NQO2: variants seen among roughly 807,000 people sequenced by gnomAD.
NQO2 encodes ribosyldihydronicotinamide dehydrogenase [quinone].
Under a neutral mutation model 22.0 loss-of-function variants are expected in NQO2, and 18 were observed. The ratio of observed to expected loss-of-function variants is 0.82; its 90% CI spans 0.56 to 1.21. The LOEUF (loss-of-function observed/expected upper bound fraction) is 1.21. NQO2 is among the 50% of genes most tolerant of loss of function. The pLI is 0.00. For synonymous variants in NQO2, 106 were observed against 110.8 expected (o/e 0.96, Z 0.28); for missense variants, 267 against 286.9 (o/e 0.93, Z 0.50).
chr6:3,014,232 C>G (rs1757248487), intron 4 of NQO2, among the ~76,000 whole-genome samples: 1 of 152,186 alleles, frequency 6.6e-6, no homozygotes, highest in Non-Finnish European at 1.5e-5. Context: ...CCAGGCTTGC[C>G]TCTGCACACC....
Position 3,019,600 on chromosome 6 carries a change from C to A in NQO2, c.641C>A (p.Thr214Asn), listed in dbSNP as rs1757472615. The change falls in exon 7 of 7, where the codon ACC becomes AAC. Residue 214 changes from threonine (T) to asparagine (N), a missense_variant. By Grantham distance (65) the Thr-to-Asn change is moderately conservative (BLOSUM62 0). Transcript: ENST00000380455. ...GCTGCGTGGTCCCAGAGGCTGCAGA[C>A]CATCTGGAAGGAAGAGCCCATCCCC... ...MVAAWSQRLQTIWKEEPIPCT... is the reference protein window; with the variant it reads ...MVAAWSQRLQNIWKEEPIPCT... 1 of 1,614,152 alleles carries A rather than the reference C, an allele frequency of 6.2e-7. No homozygotes were observed. The highest frequency in any genetic ancestry group is 8.5e-7 in the Non-Finnish European group (1 of 1,180,018).
intron 1 of NQO2, among the ~76,000 whole-genome samples, chr6:3,001,522 A>G (rs559305676): frequency 1.8e-4 from 27 of 152,218 alleles, no homozygotes; most frequent in Non-Finnish European, 3.4e-4. Context: ...TGCTGTTTAT[A>G]GTTTTGGGAA....
chr6:3,012,011 A>G (rs1401544685), intron 3 of NQO2, among the ~76,000 whole-genome samples: 2 of 152,272 alleles, frequency 1.3e-5, no homozygotes, highest in Non-Finnish European at 2.9e-5. Context: ...AAGTAAGTAC[A>G]CAGAACACTC....
At chr6:3,015,357 C>T (rs1416173571) in intron 4 of NQO2, 173 bp from the exon 5 acceptor site, 13 of 985,308 alleles carry the variant, frequency 1.3e-5, no homozygotes, top group Non-Finnish European at 1.6e-5. Context: ...ACTCCGTTCC[C>T]GTCTGACACC....
rs541904065 is a variant in NQO2 at position 3,002,219 on chromosome 6, G to A, written c.-86+2134G>A. 21 of 985,376 alleles carry A rather than the reference G, an allele frequency of 2.1e-5. No homozygotes were observed. The East Asian group carries it at 2.3e-3, about 106-fold the overall frequency. 61.0% of individuals were successfully genotyped at this position (985,376 alleles called of 1,614,324 possible). A position where few individuals can be genotyped will look rare whatever the true frequency, so the allele number is the denominator to read the frequency against. ...TTTCATACAAACAACATGATTTCGG[G>A]CAATCACTTTGGGAATCAGGATAAG... On this transcript the variant is annotated intron_variant, in intron 1 of 6. Coordinates refer to ENST00000380455, the MANE Select transcript of NQO2 (RefSeq NM_000904.6).
chr6:3,004,325 G>C, intron 1 of NQO2: 1 of 985,476 alleles, frequency 1.0e-6, no homozygotes, highest in African/African-American at 1.7e-5. Flanking sequence ...CAGCTGTCCA[G>C]TGAAGTCAAG....
Position 3,000,086 on chromosome 6 carries a change from G to A in NQO2, c.-86+1G>A, listed in dbSNP as rs1046807650. The A allele has an allele frequency of 9.2e-5, 14 of 152,508 alleles. No homozygotes were observed. The highest frequency in any genetic ancestry group is 3.4e-4 in the African/African-American group (14 of 41,472). 9.4% of individuals were successfully genotyped at this position (152,508 alleles called of 1,614,324 possible). ...TACTGGGGAGTGCGCTGGTCGGAAG[G>A]TGAGTGATCCCCTGTCGGGGACCGG... On this transcript the variant is annotated splice_donor_variant, in intron 1 of 6. Coordinates refer to ENST00000380455, the MANE Select transcript of NQO2 (RefSeq NM_000904.6). LOFTEE classifies it low-confidence loss of function (5UTR_SPLICE).
At chr6:3,007,797 A>C (rs999202919) in intron 2 of NQO2, among the ~76,000 whole-genome samples, 14 of 152,184 alleles carry the variant, frequency 9.2e-5, no homozygotes, top group African/African-American at 3.4e-4. Flanking sequence ...AGCGGGTCTG[A>C]TTCCTCATGT....
intron 4 of NQO2, among the ~76,000 whole-genome samples, chr6:3,014,044 G>A (rs1265570623): frequency 6.6e-6 from 1 of 152,216 alleles, no homozygotes; most frequent in Non-Finnish European, 1.5e-5. Context: ...GCTTGAGGAT[G>A]CGGAGTGGGC....
chr6:3,007,903 T>C (rs1757002890), intron 2 of NQO2, among the ~76,000 whole-genome samples: 1 of 152,244 alleles, frequency 6.6e-6, no homozygotes, highest in South Asian at 2.1e-4. Flanking sequence ...AAATGTAGGG[T>C]TAGCATGGAA....
chr6:3,014,252 C>T (rs1452942208), intron 4 of NQO2, among the ~76,000 whole-genome samples: 1 of 152,208 alleles, frequency 6.6e-6, no homozygotes, highest in South Asian at 2.1e-4. Context: ...CCCTTCCCGA[C>T]ACCAGCCCTT....
chr6:3,019,623 C>T lies in NQO2; in HGVS notation c.664C>T (p.Pro222Ser). 4 of 1,613,266 alleles carry T rather than the reference C, an allele frequency of 2.5e-6. No individual in the cohort carries two copies. The highest frequency in any genetic ancestry group is 3.4e-6 in the Non-Finnish European group (4 of 1,179,562). ...GACCATCTGGAAGGAAGAGCCCATC[C>T]CCTGCACAGCCCACTGGCACTTCGG... Reference protein sequence around the residue: ...LQTIWKEEPIPCTAHWHFGQ With the variant: ...LQTIWKEEPISCTAHWHFGQ The change falls in exon 7 of 7, where the codon CCC (proline) becomes TCC (serine). Residue 222 changes from proline (P) to serine (S), a missense_variant. Physicochemically the swap from Pro to Ser is moderately conservative, Grantham distance 74. Transcript: ENST00000380455.
chr6:3,014,912 A>G (rs1581332894), intron 4 of NQO2, among the ~76,000 whole-genome samples: 2 of 152,190 alleles, frequency 1.3e-5, no homozygotes, highest in East Asian at 1.9e-4. Context: ...TTGGGTTTCA[A>G]TGCCAAGTCC....
In NQO2 at chr6:3,016,918, G is replaced by T; in HGVS notation, c.452G>T (p.Gly151Val). 1.2e-6 allele frequency: 2 copies of T among 1,612,826 alleles called. No individual in the cohort carries two copies. The highest frequency in any genetic ancestry group is 2.2e-5 in the East Asian group (1 of 44,762). ...KLALLSVTTG[G>V]TAEMYTKTGV... ...GCGCTCCTTTCCGTAACCACGGGAG[G>T]CACGGCCGAGATGTACACGAAGACA... is the stretch of plus-strand genomic sequence containing the variant. The change falls in exon 6 of 7, where the codon GGC (glycine) becomes GTC (valine). Residue 151 changes from glycine to valine, a missense_variant. Coordinates refer to ENST00000380455, the MANE Select transcript of NQO2 (RefSeq NM_000904.6).
At chr6:3,000,555 T>C (rs190045696) in intron 1 of NQO2, among the ~76,000 whole-genome samples, 2,778 of 151,786 alleles carry the variant, frequency 0.018, 43 homozygotes, top group South Asian at 0.061. Flanking sequence ...TTTTTTTTTT[T>C]CCCCGAGACG....
intron 4 of NQO2, 36 bp from the exon 5 acceptor site, chr6:3,015,494 G>C: frequency 6.2e-7 from 1 of 1,605,680 alleles, no homozygotes; most frequent in Non-Finnish European, 8.5e-7. Context: ...GAGGCGAGCC[G>C]CAGCCTCAGT....
intron 6 of NQO2, among the ~76,000 whole-genome samples, chr6:3,018,577 T>A (rs12524129): frequency 0.2 from 31,130 of 152,086 alleles, 3,354 homozygotes; most frequent in Non-Finnish European, 0.22. Flanking sequence ...TAGTGGTGTG[T>A]GGGCCTCTCA....
chr6:3,005,924 G>C, intron 1 of NQO2: 1 of 504,666 alleles, frequency 2.0e-6, no homozygotes, highest in Non-Finnish European at 2.6e-6. Flanking sequence ...TGTCTGATGC[G>C]GGGGTCTCCT....
chr6:3,007,631 G>C (rs1756996247), intron 2 of NQO2, among the ~76,000 whole-genome samples: 1 of 152,218 alleles, frequency 6.6e-6, no homozygotes, highest in South Asian at 2.1e-4. Context: ...TATAAGCCTG[G>C]AGACTCTTTC....
Sources: allele counts gnomAD v4.1 joint callset (sites outside exome capture counted in the v4.1 genomes callset), GRCh38; gene constraint gnomAD v4.1.1; transcripts MANE v1.5; gene names NCBI Gene and HGNC (gene_info 2026-07-23, HGNC 2026-07-21).